Variants in ITPR2 observed in about 807,000 individuals in gnomAD.
The protein encoded by ITPR2 is inositol 1,4,5-trisphosphate-gated calcium channel ITPR2.
In ITPR2, 207 loss-of-function variants were observed where a neutral mutation model predicts 317.1. The ratio of observed to expected loss-of-function variants is 0.65; its 90% CI spans 0.58 to 0.73. ITPR2 has a LOEUF of 0.73. Among genes scored for constraint, ITPR2 ranks in the 30% least tolerant of loss-of-function variants. The pLI, the probability that ITPR2 is intolerant of heterozygous loss-of-function variation, is 0.00. For missense variants in ITPR2, 2,613 were observed against 3,284.0 expected, an observed-to-expected ratio of 0.80 and a Z score of 4.99; for synonymous variants, 1,156 against 1,149.1, an observed-to-expected ratio of 1.01 and a Z score of -0.12.
intron 54 of ITPR2, among the ~76,000 whole-genome samples, chr12:26,391,813 C>A (rs1360834242): frequency 6.6e-6 from 1 of 152,004 alleles, no homozygotes; most frequent in Non-Finnish European, 1.5e-5. Context: ...TATATGCTCG[C>A]CTCGGCCTCC....
rs1938022725 is a variant in ITPR2, at chr12:26,339,244, T to C, written c.*153A>G. On this transcript the variant is annotated 3_prime_UTR_variant, in exon 57 of 57. Transcript: ENST00000381340. ...GCAACCATGAAAACACAGTTATAAA[T>C]TGTTCTCGGAGCTAACCCACTCAAC... 2 of 633,120 alleles carry C rather than the reference T, an allele frequency of 3.2e-6. No homozygotes were observed. Among genetic ancestry groups the C allele is most frequent in the South Asian group, 4.0e-5 (2 of 50,586 alleles). The allele number at this position is 633,120 out of a possible 1,614,324, so 39.2% of individuals were successfully genotyped here. A position where few individuals can be genotyped will look rare whatever the true frequency, so the allele number is the denominator to read the frequency against.
At chr12:26,458,926 C>G (rs1288755187) in intron 45 of ITPR2, among the ~76,000 whole-genome samples, 1 of 152,206 alleles carries the variant, frequency 6.6e-6, no homozygotes, top group Non-Finnish European at 1.5e-5. Flanking sequence ...TTAATTAGCA[C>G]AGTTGCTGTG....
intron 34 of ITPR2, among the ~76,000 whole-genome samples, chr12:26,575,550 T>A (rs1025503941): frequency 6.6e-6 from 1 of 152,034 alleles, no homozygotes; most frequent in Admixed American, 6.6e-5. Context: ...GAGATTGATA[T>A]GGAAACCTCA....
Position 26,487,246 on chromosome 12 carries a change from A to G in ITPR2, c.5376T>C (p.Ser1792=). The change falls in exon 40 of 57, where the codon TCT becomes TCC. Residue 1792 remains serine, a synonymous_variant. Transcript: ENST00000381340. The part of the protein sequence containing the change: ...LEGGNTQTQY[S]FYQQLHEQKK... ...TTTGTTCATGCAACTGCTGGTAGAA[A>G]GAATACTGCAAGAAAACATATTTTA... is the stretch of plus-strand genomic sequence containing the variant. 1 of 1,591,926 alleles carries G rather than the reference A, an allele frequency of 6.3e-7. No individual in the cohort carries two copies. The highest frequency in any genetic ancestry group is 1.1e-5 in the South Asian group (1 of 87,956).
intron 49 of ITPR2, among the ~76,000 whole-genome samples, chr12:26,423,865 A>T (rs1940967885): frequency 6.6e-6 from 1 of 152,206 alleles, no homozygotes; most frequent in Non-Finnish European, 1.5e-5. Context: ...TTCTGTGACA[A>T]GGCAAACTAG....
Position 26,437,278 on chromosome 12 carries a change from C to T in ITPR2, c.6644-932G>A, listed in dbSNP as rs898941370. ...AGTTAATCAAGGGGGAAAGGCACAT[C>T]GATTTTCAAATGGAAATGATTAACT... is the stretch of plus-strand genomic sequence containing the variant. On this transcript the variant is annotated intron_variant, in intron 47 of 56. Transcript: ENST00000381340. Among the ~76,000 whole-genome samples the T allele has an allele frequency of 3.9e-5, 6 of 152,162 alleles. No individual in the cohort carries two copies. The South Asian group carries it at 6.2e-4, about 16-fold the overall frequency.
At chr12:26,543,268 C>T (rs575211871) in intron 37 of ITPR2, among the ~76,000 whole-genome samples, 2 of 152,216 alleles carry the variant, frequency 1.3e-5, no homozygotes, top group South Asian at 2.1e-4. Context: ...AGATTTGGAC[C>T]TCTAAAGTAT....
chr12:26,523,628 A>G (rs1271929845), intron 37 of ITPR2, among the ~76,000 whole-genome samples: 2 of 151,926 alleles, frequency 1.3e-5, no homozygotes, highest in Non-Finnish European at 2.9e-5. Flanking sequence ...TATCCAGGTT[A>G]TATAATGCTT....
At chr12:26,380,773 G>T (rs550497399) in intron 55 of ITPR2, among the ~76,000 whole-genome samples, 1 of 152,108 alleles carries the variant, frequency 6.6e-6, no homozygotes, top group African/African-American at 2.4e-5. Flanking sequence ...GCTTTCATGA[G>T]CCCAAACATC....
chr12:26,624,827 A>G (rs1397929110), intron 23 of ITPR2, among the ~76,000 whole-genome samples: 1 of 151,940 alleles, frequency 6.6e-6, no homozygotes, highest in African/African-American at 2.4e-5. Context: ...CAGTAATTCT[A>G]CTTCTGGGTG....
chr12:26,642,741 A>G (rs1424846275), intron 21 of ITPR2, among the ~76,000 whole-genome samples: 1 of 152,220 alleles, frequency 6.6e-6, no homozygotes, highest in East Asian at 1.9e-4. Flanking sequence ...CAGCATTCCA[A>G]AAAAGGCCTG....
intron 18 of ITPR2, among the ~76,000 whole-genome samples, 191 bp from the exon 19 acceptor site, chr12:26,656,739 T>C (rs1054381825): frequency 6.6e-6 from 1 of 152,200 alleles, no homozygotes; most frequent in African/African-American, 2.4e-5. Context: ...TGTCTCTATG[T>C]CCCTTCAGTT....
chr12:26,605,126 A>AAAAAAAATATATAT (rs1555165395), intron 26 of ITPR2, among the ~76,000 whole-genome samples: 6 of 136,304 alleles, frequency 4.4e-5, no homozygotes, highest in Non-Finnish European at 6.4e-5. Flanking sequence ...AAAAAATAAA[A>AAAAAAAATATATAT]ATATATATAT....
At chr12:26,514,990 T>A (rs908126743) in intron 37 of ITPR2, among the ~76,000 whole-genome samples, 3 of 152,282 alleles carry the variant, frequency 2.0e-5, no homozygotes, top group Admixed American at 2.0e-4. Flanking sequence ...AGTAAGATGA[T>A]GGAAAATTAT....
chr12:26,585,067 C>A (rs543627236), intron 32 of ITPR2, among the ~76,000 whole-genome samples: 2 of 152,006 alleles, frequency 1.3e-5, no homozygotes, highest in South Asian at 2.1e-4. Context: ...TTTCATAATA[C>A]CAATACATAT....
chr12:26,350,987 A>T (rs1014580429), intron 55 of ITPR2, among the ~76,000 whole-genome samples: 3 of 152,142 alleles, frequency 2.0e-5, no homozygotes, highest in Non-Finnish European at 4.4e-5. Context: ...GTGACCCAGG[A>T]CTGGGGAGGT....
At chr12:26,506,631 A>G (rs1191862646) in intron 37 of ITPR2, among the ~76,000 whole-genome samples, 1 of 152,158 alleles carries the variant, frequency 6.6e-6, no homozygotes, top group African/African-American at 2.4e-5. Flanking sequence ...AAAACTTAAA[A>G]GACAGACAAT....
At chr12:26,541,365 T>C (rs770513392) in intron 37 of ITPR2, among the ~76,000 whole-genome samples, 67 of 151,926 alleles carry the variant, frequency 4.4e-4, no homozygotes, top group Non-Finnish European at 3.4e-4. Context: ...AACCACAATA[T>C]ACATGGGAAT....
At chr12:26,735,089 C>T (rs1052041479) in intron 2 of ITPR2, among the ~76,000 whole-genome samples, 1 of 151,824 alleles carries the variant, frequency 6.6e-6, no homozygotes, top group Admixed American at 6.6e-5. Flanking sequence ...CAACCTCCGC[C>T]TCCTGGGTTC....
Sources: gnomAD v4.1 joint callset for allele counts (sites outside exome capture counted in the v4.1 genomes callset) on GRCh38, gnomAD v4.1.1 for gene constraint, MANE v1.5 for transcripts, NCBI Gene and HGNC (gene_info 2026-07-23, HGNC 2026-07-21) for gene names.